The following ERBB4 variants were observed in gnomAD, a reference collection of about 807,000 sequenced individuals.
ERBB4 encodes the protein receptor tyrosine-protein kinase erbB-4.
In ERBB4, 42 loss-of-function variants were observed where a neutral mutation model predicts 158.0. The observed-to-expected ratio is 0.27, with a 90% CI of 0.21 to 0.34. ERBB4 has a LOEUF of 0.34. Ranked by LOEUF, ERBB4 falls within the 10% of genes least tolerant of loss-of-function variation. The pLI is 1.00. For synonymous variants in ERBB4, 583 were observed against 558.7 expected, an observed-to-expected ratio of 1.04 and a Z score of -0.61; for missense variants, 1,333 against 1,624.1, an observed-to-expected ratio of 0.82 and a Z score of 3.08.
At chr2:211,713,766 T>C (rs1433473530) in intron 7 of ERBB4, 118 bp from the exon 8 acceptor site, 6 of 677,564 alleles carry the variant, frequency 8.9e-6, no homozygotes, top group Admixed American at 2.4e-5. Flanking sequence ...TGTTTATGTA[T>C]CTTACCCTTA....
intron 19 of ERBB4, among the ~76,000 whole-genome samples, chr2:211,589,725 C>T (rs559772487): frequency 1.3e-5 from 2 of 151,940 alleles, no homozygotes; most frequent in African/African-American, 4.8e-5. Flanking sequence ...AGAAGTATTG[C>T]CTAATACTTC....
Position 212,446,577 on chromosome 2 carries a change from CCATATATATATATGTATATATATA to C in ERBB4, c.82+91848_82+91871del, listed in dbSNP as rs1434044726. Among the ~76,000 whole-genome samples the C allele has an allele frequency of 8.6e-4, 31 of 36,056 alleles. 1 individual carries two copies. Among genetic ancestry groups the C allele is most frequent in the Admixed American group, 2.4e-3 (6 of 2,484 alleles). 23.7% of individuals were successfully genotyped at this position (36,056 alleles called of 152,430 possible). A position where few individuals can be genotyped will look rare whatever the true frequency, so the allele number is the denominator to read the frequency against. ...ATGTAAGTTAATACTTAATAAACTC[CCATATATATATATGTATATATATA>C]TATATATATATATATATATATATAT... On this transcript the variant is annotated intron_variant, in intron 1 of 27. Coordinates refer to ENST00000342788, the MANE Select transcript of ERBB4 (RefSeq NM_005235.3).
intron 20 of ERBB4, among the ~76,000 whole-genome samples, chr2:211,469,182 G>A (rs540038493): frequency 6.6e-6 from 1 of 152,240 alleles, no homozygotes; most frequent in Non-Finnish European, 1.5e-5. Flanking sequence ...CCTGTCCATG[G>A]TCCTCCTTTT....
intron 1 of ERBB4, among the ~76,000 whole-genome samples, chr2:212,194,747 C>T (rs1191919844): frequency 6.6e-6 from 1 of 151,816 alleles, no homozygotes; most frequent in East Asian, 1.9e-4. Context: ...TTTTTGCTGG[C>T]ATATCTGAAG....
chr2:212,426,241 G>A (rs372389243), intron 1 of ERBB4: 21 of 491,808 alleles, frequency 4.3e-5, no homozygotes, highest in African/African-American at 1.4e-4. Context: ...TACTTTTTAC[G>A]TGCATTTATT....
chr2:211,921,535 A>G (rs1446116262), intron 3 of ERBB4, among the ~76,000 whole-genome samples: 1 of 152,124 alleles, frequency 6.6e-6, no homozygotes. Flanking sequence ...AATTTGCATC[A>G]TATCAGTGAA....
At chr2:211,504,396 G>A (rs1159428946) in intron 20 of ERBB4, among the ~76,000 whole-genome samples, 2 of 151,358 alleles carry the variant, frequency 1.3e-5, no homozygotes, top group Non-Finnish European at 2.9e-5. Flanking sequence ...TAGAAGCAAA[G>A]CCAAAAGACC....
intron 1 of ERBB4, among the ~76,000 whole-genome samples, chr2:212,221,580 T>C (rs1291283599): frequency 1.3e-5 from 2 of 151,466 alleles, no homozygotes; most frequent in Non-Finnish European, 3.0e-5. Context: ...TCACTTAACA[T>C]CCTCATTTAA....
chr2:211,527,101 G>C (rs1253801451), intron 20 of ERBB4, among the ~76,000 whole-genome samples: 1 of 151,996 alleles, frequency 6.6e-6, no homozygotes, highest in Non-Finnish European at 1.5e-5. Context: ...GAAGGTTACA[G>C]AACACTAACC....
chr2:212,073,861 C>A (rs1482521559), intron 2 of ERBB4, among the ~76,000 whole-genome samples: 1 of 151,942 alleles, frequency 6.6e-6, no homozygotes, highest in Non-Finnish European at 1.5e-5. Flanking sequence ...TATTTTTAAG[C>A]CAGTTATGTG....
In ERBB4 at chr2:211,381,442, A is replaced by C. The variant is rs531149274; in HGVS notation, c.*2173T>G. 77 of 231,928 alleles carry C rather than the reference A, an allele frequency of 3.3e-4. No individual in the cohort carries two copies. Among genetic ancestry groups the C allele is most frequent in the Non-Finnish European group, 5.8e-4 (68 of 117,324 alleles). The allele number at this position is 231,928 out of a possible 1,614,324, so 14.4% of individuals were successfully genotyped here. A position where few individuals can be genotyped will look rare whatever the true frequency, so the allele number is the denominator to read the frequency against. ...TTGAAGGATGTTTAACTTATATCCC[A>C]AATGAGTTTAAAGGAGATATCTTAC... On this transcript the variant is annotated 3_prime_UTR_variant, in exon 28 of 28. Transcript: ENST00000342788.
intron 25 of ERBB4, among the ~76,000 whole-genome samples, chr2:211,389,548 A>G (rs1327048592): frequency 1.3e-5 from 2 of 152,194 alleles, no homozygotes; most frequent in Non-Finnish European, 2.9e-5. Flanking sequence ...CCCTACAACT[A>G]TGGTGGTATT....
intron 3 of ERBB4, among the ~76,000 whole-genome samples, chr2:211,892,607 A>T (rs1393178284): frequency 6.9e-6 from 1 of 145,584 alleles, no homozygotes; most frequent in Non-Finnish European, 1.5e-5. Context: ...TTAGGAAAAG[A>T]GGAAGTCAAA....
chr2:211,452,891 A>G (rs905979123), intron 20 of ERBB4, among the ~76,000 whole-genome samples: 3 of 152,224 alleles, frequency 2.0e-5, no homozygotes, highest in African/African-American at 7.2e-5. Context: ...TTTGTGCAGT[A>G]AAGTATGTGT....
At chr2:211,760,711 T>A (rs2075387383) in intron 4 of ERBB4, among the ~76,000 whole-genome samples, 1 of 152,158 alleles carries the variant, frequency 6.6e-6, no homozygotes, top group African/African-American at 2.4e-5. Flanking sequence ...TAAATGTTTA[T>A]CCTAAAAATG....
intron 1 of ERBB4, among the ~76,000 whole-genome samples, chr2:212,351,523 T>C (rs999461088): frequency 6.6e-6 from 1 of 152,166 alleles, no homozygotes; most frequent in Non-Finnish European, 1.5e-5. Flanking sequence ...TGATTTATAA[T>C]ATAAAATTTG....
At chr2:211,661,700 A>G (rs1574943431) in intron 15 of ERBB4, among the ~76,000 whole-genome samples, 1 of 152,264 alleles carries the variant, frequency 6.6e-6, no homozygotes, top group African/African-American at 2.4e-5. Flanking sequence ...ATGTATAAAA[A>G]TTATTTCATT....
intron 4 of ERBB4, among the ~76,000 whole-genome samples, chr2:211,770,760 A>G (rs1464050453): frequency 2.6e-5 from 4 of 152,162 alleles, no homozygotes; most frequent in Non-Finnish European, 5.9e-5. Flanking sequence ...GAGGCCCCCA[A>G]ATCAGGCTCT....
chr2:211,390,382 A>G (rs1280955440), intron 25 of ERBB4, among the ~76,000 whole-genome samples: 5 of 152,242 alleles, frequency 3.3e-5, no homozygotes, highest in African/African-American at 1.2e-4. Flanking sequence ...GTTATATATT[A>G]GAATGCCAGG....
Sources: gnomAD v4.1 joint callset for allele counts (sites outside exome capture counted in the v4.1 genomes callset) on GRCh38, gnomAD v4.1.1 for gene constraint, MANE v1.5 for transcripts, NCBI Gene and HGNC (gene_info 2026-07-23, HGNC 2026-07-21) for gene names.